MAMLD1: variants seen among roughly 807,000 people sequenced by gnomAD.
The protein encoded by MAMLD1 is mastermind-like domain-containing protein 1.
MAMLD1 carries 14 observed loss-of-function variants against 45.0 expected under a neutral mutation model. The ratio of observed to expected loss-of-function variants is 0.31; its 90% CI spans 0.21 to 0.49. The LOEUF is 0.49. Ranked by LOEUF, MAMLD1 falls within the 20% of genes least tolerant of loss-of-function variation. The probability of loss-of-function intolerance (pLI) is 0.99; values close to 1 mark genes in which losing one functional copy is unlikely to be tolerated. For synonymous variants in MAMLD1, 254 were observed against 247.8 expected (o/e 1.02, Z -0.24); for missense variants, 543 against 603.6 (o/e 0.90, Z 1.05).
intron 1 of MAMLD1, among the ~76,000 whole-genome samples, chrX:150,386,427 G>A (rs1557402044): frequency 1.8e-5 from 2 of 110,908 alleles, no homozygotes; most frequent in East Asian, 2.8e-4. Flanking sequence ...GTGTTTGGGG[G>A]CAAGTAGACC....
intron 2 of MAMLD1, among the ~76,000 whole-genome samples, chrX:150,452,708 T>C (rs1466765868): frequency 1.9e-5 from 2 of 106,321 alleles, no homozygotes; most frequent in African/African-American, 3.4e-5. Context: ...CCCACTAACT[T>C]GTCATCTAGC....
At chrX:150,409,416 G>A (rs1557402765) in intron 1 of MAMLD1, among the ~76,000 whole-genome samples, 78 of 110,721 alleles carry the variant, frequency 7.0e-4, no homozygotes, top group Non-Finnish European at 2.8e-4. Context: ...AGCCAAGCTC[G>A]CGATTGGAGG....
intron 1 of MAMLD1, among the ~76,000 whole-genome samples, chrX:150,366,615 A>C (rs1247026528): frequency 2.7e-5 from 3 of 112,100 alleles, no homozygotes; most frequent in African/African-American, 9.7e-5. Flanking sequence ...TTCCCCTTAA[A>C]GTAACAGCCC....
At chrX:150,411,375 C>T (rs1484797077) in intron 1 of MAMLD1, among the ~76,000 whole-genome samples, 1 of 112,185 alleles carries the variant, frequency 8.9e-6, no homozygotes, top group Non-Finnish European at 1.9e-5. Flanking sequence ...GCCCCTGTCC[C>T]CCACAAGTTT....
intron 6 of MAMLD1, chrX:150,505,169 C>G (rs999240179): frequency 3.6e-6 from 2 of 552,486 alleles, no homozygotes; most frequent in African/African-American, 5.1e-5. Context: ...CCCCCAGTGA[C>G]AGCTTCAGAC....
chrX:150,481,942 GAAAAAAGA>G (rs368146641), intron 5 of MAMLD1, among the ~76,000 whole-genome samples: 52 of 87,335 alleles, frequency 6.0e-4, no homozygotes, highest in African/African-American at 2.4e-3. Context: ...AAGAAAGAAA[GAAAAAAGA>G]AAGAAAGAAA....
intron 5 of MAMLD1, among the ~76,000 whole-genome samples, chrX:150,496,676 C>T (rs1379854435): frequency 1.8e-5 from 2 of 112,082 alleles, no homozygotes; most frequent in East Asian, 2.8e-4. Context: ...TTTACCCCGT[C>T]CCTGATGCTC....
At chrX:150,429,099 T>C (rs5969820) in intron 1 of MAMLD1, among the ~76,000 whole-genome samples, 51,305 of 109,956 alleles carry the variant, frequency 0.47, 9,271 homozygotes, top group African/African-American at 0.62. Context: ...ATGCTGGGCC[T>C]ATCTGGATGA....
At chrX:150,389,478 T>C (rs2033082689) in intron 1 of MAMLD1, among the ~76,000 whole-genome samples, 1 of 112,516 alleles carries the variant, frequency 8.9e-6, no homozygotes, top group African/African-American at 3.2e-5. Flanking sequence ...TCTAGTTTGA[T>C]TCCATTGATC....
chrX:150,494,326 G>A (rs1476065736), intron 5 of MAMLD1, among the ~76,000 whole-genome samples: 1 of 111,347 alleles, frequency 9.0e-6, no homozygotes, highest in Non-Finnish European at 1.9e-5. Flanking sequence ...CCCAGGAGGC[G>A]GAGGTTGCAG....
rs145814108 is a variant in MAMLD1 at position 150,405,731 on chromosome X, G to A, written c.-63-39723G>A. On this transcript the variant is annotated intron_variant, in intron 1 of 7. Coordinates refer to ENST00000370401, the MANE Select transcript of MAMLD1 (RefSeq NM_005491.5). The stretch of plus-strand genomic sequence containing the variant: ...TCTCTTTAGAGGTCAGTTGGAGAGA[G>A]GCAAAGTGGGGAGTAGACGAGGCTT... Among the ~76,000 whole-genome samples the A allele has an allele frequency of 5.5e-3, 612 of 111,735 alleles. 4 individuals carry two copies. Among genetic ancestry groups the A allele is most frequent in the Middle Eastern group, 0.037 (8 of 215 alleles).
intron 1 of MAMLD1, among the ~76,000 whole-genome samples, chrX:150,401,535 A>G (rs1166438270): frequency 1.0e-4 from 11 of 106,903 alleles, no homozygotes; most frequent in Non-Finnish European, 1.9e-4. Context: ...CCATCAAGCT[A>G]CCAATGACTT....
At chrX:150,419,478 A>T (rs1254583684) in intron 1 of MAMLD1, among the ~76,000 whole-genome samples, 3 of 107,039 alleles carry the variant, frequency 2.8e-5, no homozygotes, top group African/African-American at 1.0e-4. Context: ...TGATCCTGTC[A>T]TTATGATGTT....
chrX:150,416,088 T>C (rs1273197598), intron 1 of MAMLD1, among the ~76,000 whole-genome samples: 2 of 111,706 alleles, frequency 1.8e-5, no homozygotes, highest in East Asian at 5.6e-4. Flanking sequence ...ACTAGCACAT[T>C]GCACATGTGG....
At chrX:150,429,894 C>T (rs1557403963) in intron 1 of MAMLD1, among the ~76,000 whole-genome samples, 2 of 110,566 alleles carry the variant, frequency 1.8e-5, no homozygotes, top group Non-Finnish European at 3.8e-5. Context: ...ATTGCATTTC[C>T]CTAATAGCTA....
At chrX:150,378,689 T>C (rs1253294727) in intron 1 of MAMLD1, among the ~76,000 whole-genome samples, 4 of 112,222 alleles carry the variant, frequency 3.6e-5, no homozygotes, top group Non-Finnish European at 7.5e-5. Context: ...CTTATGCTTT[T>C]ATTTATATTA....
rs1403485719 is a variant in MAMLD1, at chrX:150,470,217, C to A, written c.644C>A (p.Ala215Glu). 5 of 1,210,194 alleles carry A rather than the reference C, an allele frequency of 4.1e-6. No homozygotes were observed. Among genetic ancestry groups the A allele is most frequent in the African/African-American group, 3.5e-5 (2 of 57,151 alleles). Residue 215 changes from alanine to glutamate, a missense_variant, in exon 4 of 8, where the codon GCA becomes GAA. Physicochemically the swap from Ala to Glu is moderately radical, Grantham distance 107. Transcript: ENST00000370401. ...CCACTGGTTTTAGATCATCCCCAGG[C>A]AACCCTAAGCACAACTCCCAAGCCT... ...EEPLVLDHPQ[A>E]TLSTTPKPSV...
At chrX:150,400,810 A>C (rs1258486301) in intron 1 of MAMLD1, among the ~76,000 whole-genome samples, 1 of 109,085 alleles carries the variant, frequency 9.2e-6, no homozygotes, top group Non-Finnish European at 1.9e-5. Context: ...GATGAAGCCC[A>C]CTTGATCATG....
chrX:150,470,028 A>G lies in MAMLD1; in HGVS notation c.455A>G (p.Glu152Gly), dbSNP rs2036364271. 1.7e-6 allele frequency: 2 copies of G among 1,210,000 alleles called. No individual in the cohort carries two copies. Among genetic ancestry groups the G allele is most frequent in the Admixed American group, 2.2e-5 (1 of 45,795 alleles). ...GSPFVVPQTTEVGLKGPTVPY... is the reference protein window; with the variant it reads ...GSPFVVPQTTGVGLKGPTVPY... ...CCATTTGTAGTACCACAGACTACAG[A>G]AGTGGGACTGAAAGGGCCCACTGTT... Residue 152 changes from glutamate to glycine, a missense_variant, in exon 4 of 8, where the codon GAA becomes GGA. Transcript: ENST00000370401.
Sources: gnomAD v4.1 joint callset for allele counts (sites outside exome capture counted in the v4.1 genomes callset) on GRCh38, gnomAD v4.1.1 for gene constraint, MANE v1.5 for transcripts, NCBI Gene and HGNC (gene_info 2026-07-23, HGNC 2026-07-21) for gene names.